Variants in TMEM108 observed in about 807,000 individuals in gnomAD.
TMEM108 encodes transmembrane protein 108.
Under a neutral mutation model 35.1 loss-of-function variants are expected in TMEM108, and 12 were observed. That is an observed-to-expected ratio of 0.34 (90% CI 0.22 to 0.55). The LOEUF is 0.55. TMEM108 is among the 20% of genes least tolerant of loss of function. TMEM108 has a pLI of 0.89. For synonymous variants in TMEM108, 287 were observed against 308.6 expected (o/e 0.93, Z 0.73); for missense variants, 680 against 753.3 (o/e 0.90, Z 1.14).
At chr3:133,135,477 G>A (rs971462144) in intron 2 of TMEM108, among the ~76,000 whole-genome samples, 3 of 152,174 alleles carry the variant, frequency 2.0e-5, no homozygotes, top group Non-Finnish European at 2.9e-5. Context: ...GAGCTTAGGC[G>A]CGGGTTGGTG....
At chr3:133,047,325 C>A (rs1340449403) in intron 2 of TMEM108, among the ~76,000 whole-genome samples, 1 of 152,232 alleles carries the variant, frequency 6.6e-6, no homozygotes, top group Non-Finnish European at 1.5e-5. Flanking sequence ...TCCTGTATAT[C>A]CTCTATTTTA....
chr3:133,376,203 T>A (rs2072833292), intron 3 of TMEM108, among the ~76,000 whole-genome samples: 1 of 152,190 alleles, frequency 6.6e-6, no homozygotes, highest in Non-Finnish European at 1.5e-5. Context: ...ATGCCAGTGA[T>A]GGGAAAGTCA....
rs537791879 is a variant in TMEM108 at position 133,249,658 on chromosome 3, G to A, written c.40+20307G>A. ...CATGGTTTTATTCTTTTTTATGGCT[G>A]TATAGTATTCCATGGTGTACATGTA... On this transcript the variant is annotated intron_variant, in intron 3 of 5. Coordinates refer to ENST00000321871, the MANE Select transcript of TMEM108 (RefSeq NM_023943.4). 2.0e-5 allele frequency among the ~76,000 whole-genome samples: 3 copies of A among 152,252 alleles called. No individual in the cohort carries two copies. In the East Asian group the frequency reaches 5.8e-4, roughly 29 times the overall value.
chr3:133,309,654 G>A lies in TMEM108; in HGVS notation c.41-70098G>A, dbSNP rs1427958351. Among the ~76,000 whole-genome samples, 15 of 130,482 alleles carry A rather than the reference G, an allele frequency of 1.1e-4. No homozygotes were observed. In the South Asian group the frequency reaches 2.8e-3, roughly 24 times the overall value. 85.6% of individuals were successfully genotyped at this position (130,482 alleles called of 152,430 possible). A position where few individuals can be genotyped will look rare whatever the true frequency, so the allele number is the denominator to read the frequency against. The stretch of plus-strand genomic sequence containing the variant: ...TTCAGGAGCAGGTTGTTCAGTTTCC[G>A]TGTAGTTATGCGGGTTTGAGTGAGT... On this transcript the variant is annotated intron_variant, in intron 3 of 5. Coordinates refer to ENST00000321871, the MANE Select transcript of TMEM108 (RefSeq NM_023943.4).
intron 2 of TMEM108, among the ~76,000 whole-genome samples, chr3:133,144,955 C>T (rs1417044980): frequency 6.6e-6 from 1 of 152,172 alleles, no homozygotes; most frequent in Non-Finnish European, 1.5e-5. Context: ...TATGCAGAAG[C>T]TCTTTAGTTT....
At chr3:133,335,687 G>C (rs377505107) in intron 3 of TMEM108, among the ~76,000 whole-genome samples, 2 of 152,042 alleles carry the variant, frequency 1.3e-5, no homozygotes, top group South Asian at 4.2e-4. Context: ...TCCCCCATGC[G>C]GGAACACCAA....
chr3:133,246,509 A>C (rs1337088585), intron 3 of TMEM108: 1 of 151,534 alleles, frequency 6.6e-6, no homozygotes, highest in African/African-American at 2.4e-5. Context: ...GGGGATTCTC[A>C]CAGCGTCCAC....
intron 3 of TMEM108, among the ~76,000 whole-genome samples, chr3:133,278,768 A>C (rs74822182): frequency 0.015 from 2,287 of 152,340 alleles, 68 homozygotes; most frequent in African/African-American, 0.052. Context: ...CATGGAGACA[A>C]TTGGTAAACT....
intron 2 of TMEM108, among the ~76,000 whole-genome samples, chr3:133,150,118 G>T (rs550096659): frequency 6.6e-6 from 1 of 152,140 alleles, no homozygotes; most frequent in African/African-American, 2.4e-5. Context: ...GTGTACAAGG[G>T]TTCCCTTTTC....
At chr3:133,065,818 G>A (rs1943600042) in intron 2 of TMEM108, among the ~76,000 whole-genome samples, 1 of 152,128 alleles carries the variant, frequency 6.6e-6, no homozygotes, top group Admixed American at 6.5e-5. Flanking sequence ...GCTTAAAATG[G>A]GTGGGACCGC....
At chr3:133,125,564 G>A (rs539289446) in intron 2 of TMEM108, among the ~76,000 whole-genome samples, 1 of 152,248 alleles carries the variant, frequency 6.6e-6, no homozygotes, top group East Asian at 1.9e-4. Flanking sequence ...GGGTAGGTGG[G>A]GGTAGTATCA....
chr3:133,384,547 C>T (rs1170331915), intron 4 of TMEM108, among the ~76,000 whole-genome samples: 2 of 152,224 alleles, frequency 1.3e-5, no homozygotes, highest in East Asian at 1.9e-4. Flanking sequence ...CTCTAAGCCA[C>T]GCACGTTTTC....
intron 2 of TMEM108, among the ~76,000 whole-genome samples, chr3:133,065,472 A>G (rs1943595626): frequency 6.6e-6 from 1 of 151,902 alleles, no homozygotes; most frequent in South Asian, 2.1e-4. Context: ...TTGTAGCTCT[A>G]GTTAGTATAA....
chr3:133,275,694 C>G (rs1158472198), intron 3 of TMEM108, among the ~76,000 whole-genome samples: 1 of 152,078 alleles, frequency 6.6e-6, no homozygotes, highest in Non-Finnish European at 1.5e-5. Flanking sequence ...TGGAGCAGCA[C>G]TCCATGATCA....
intron 2 of TMEM108, among the ~76,000 whole-genome samples, chr3:133,158,425 G>A (rs974695081): frequency 1.5e-5 from 2 of 137,738 alleles, no homozygotes; most frequent in African/African-American, 2.8e-5. Context: ...CCGAGATCGC[G>A]CCACTGCACT....
chr3:133,057,115 C>G (rs1400015806), intron 2 of TMEM108, among the ~76,000 whole-genome samples: 2 of 152,088 alleles, frequency 1.3e-5, no homozygotes, highest in Non-Finnish European at 2.9e-5. Flanking sequence ...TGATGCTCTC[C>G]CTGCAATTCT....
chr3:133,350,235 G>T (rs897457633), intron 3 of TMEM108, among the ~76,000 whole-genome samples: 2 of 152,052 alleles, frequency 1.3e-5, no homozygotes, highest in African/African-American at 2.4e-5. Flanking sequence ...AGAAAAAGAG[G>T]TGATATAGAA....
At chr3:133,390,511 G>C (rs558671939) in intron 5 of TMEM108, among the ~76,000 whole-genome samples, 177 bp downstream of exon 5, 1 of 152,178 alleles carries the variant, frequency 6.6e-6, no homozygotes, top group African/African-American at 2.4e-5. Context: ...CAGGATCTGT[G>C]TTTTAGCAAG....
intron 3 of TMEM108, among the ~76,000 whole-genome samples, chr3:133,238,967 T>G (rs1429844376): frequency 6.6e-6 from 1 of 152,204 alleles, no homozygotes; most frequent in Non-Finnish European, 1.5e-5. Flanking sequence ...CTCCTCCACC[T>G]TTCCCAGTGA....
Sources: allele counts gnomAD v4.1 joint callset (sites outside exome capture counted in the v4.1 genomes callset), GRCh38; gene constraint gnomAD v4.1.1; transcripts MANE v1.5; gene names NCBI Gene and HGNC (gene_info 2026-07-23, HGNC 2026-07-21).